Variants in USH2A observed in about 807,000 individuals in gnomAD.
The protein encoded by USH2A is Usher syndrome 2A (autosomal recessive, mild).
Under a neutral mutation model 538.9 loss-of-function variants are expected in USH2A, and 443 were observed. The observed-to-expected ratio is 0.82, with a 90% CI of 0.76 to 0.89. The LOEUF (loss-of-function observed/expected upper bound fraction) is 0.89. Among genes scored for constraint, USH2A ranks in the 40% least tolerant of loss-of-function variants. USH2A has a pLI of 0.00. For synonymous variants in USH2A, 2,413 were observed against 2,273.5 expected, an observed-to-expected ratio of 1.06 and a Z score of -1.75; for missense variants, 6,633 against 6,324.8, an observed-to-expected ratio of 1.05 and a Z score of -1.65.
chr1:215,931,934 T>C (rs1310086725), intron 38 of USH2A, among the ~76,000 whole-genome samples: 1 of 151,976 alleles, frequency 6.6e-6, no homozygotes, highest in Non-Finnish European at 1.5e-5. Context: ...TTTCTAGGTT[T>C]GAGGCTAAAA....
chr1:215,635,264 A>G (rs1432283149), intron 69 of USH2A, among the ~76,000 whole-genome samples: 1 of 152,170 alleles, frequency 6.6e-6, no homozygotes, highest in Non-Finnish European at 1.5e-5. Flanking sequence ...GTTTGCTACC[A>G]TGTTGTCTTT....
rs139326437 is a variant in USH2A at position 216,287,588 on chromosome 1, G to T, written c.1971+1692C>A. Reference sequence around the variant, plus strand: ...TACAAGCACAGAACCACCCAAGGTTGTCTAGCATCCCTATAAAACGGACTT... The same window carrying T: ...TACAAGCACAGAACCACCCAAGGTTTTCTAGCATCCCTATAAAACGGACTT... On this transcript the variant is annotated intron_variant, in intron 11 of 71. Coordinates refer to ENST00000307340, the MANE Select transcript of USH2A (RefSeq NM_206933.4). Among the ~76,000 whole-genome samples the T allele has an allele frequency of 4.4e-3, 670 of 152,110 alleles. 2 individuals are homozygous for T. The highest frequency in any genetic ancestry group is 8.2e-3 in the Non-Finnish European group (555 of 67,976).
At chr1:216,229,185 C>A (rs947076285) in intron 14 of USH2A, among the ~76,000 whole-genome samples, 9 of 151,226 alleles carry the variant, frequency 6.0e-5, no homozygotes, top group East Asian at 1.9e-4. Context: ...AAAAAAAAAA[C>A]CCCACACTTA....
Position 216,086,725 on chromosome 1 carries a change from C to G in USH2A, c.4981G>C (p.Asp1661His). Residue 1661 changes from aspartate (D) to histidine (H), a missense_variant, in exon 24 of 72, where the codon GAT (aspartate) becomes CAT (histidine). Physicochemically the swap from Asp to His is moderately conservative, Grantham distance 81 (BLOSUM62 -1). Coordinates refer to ENST00000307340, the MANE Select transcript of USH2A (RefSeq NM_206933.4). Reference protein sequence around the residue: ...LPRSYTILRKDPEIIQKGFVG... With the variant: ...LPRSYTILRKHPEIIQKGFVG... The stretch of plus-strand genomic sequence containing the variant: ...TATACCTTACTAAACTCACCAGGAT[C>G]CTTCCTGAGGATGGTATAACTTCGC... 6.2e-7 allele frequency: 1 copy of G among 1,611,738 alleles called. No homozygotes were observed.
intron 38 of USH2A, among the ~76,000 whole-genome samples, chr1:215,911,210 T>A (rs1665772236): frequency 6.6e-6 from 1 of 151,976 alleles, no homozygotes; most frequent in African/African-American, 2.4e-5. Flanking sequence ...ACAAACAATC[T>A]AATTACATTT....
intron 38 of USH2A, among the ~76,000 whole-genome samples, chr1:215,924,031 G>T: frequency 6.6e-6 from 1 of 151,610 alleles, no homozygotes; most frequent in East Asian, 1.9e-4. Context: ...CAGCCCATTC[G>T]TTTTATCTTC....
At chr1:215,807,592 T>C (rs1049222094) in intron 49 of USH2A, among the ~76,000 whole-genome samples, 22 of 152,134 alleles carry the variant, frequency 1.4e-4, no homozygotes, top group African/African-American at 5.3e-4. Flanking sequence ...ATGGAAAGTC[T>C]TTTTCTCTTC....
intron 3 of USH2A, among the ~76,000 whole-genome samples, chr1:216,369,556 T>G (rs1373170045): frequency 2.0e-5 from 3 of 152,140 alleles, no homozygotes; most frequent in African/African-American, 7.2e-5. Context: ...TCTCAAGTCC[T>G]CTCTTCTCCA....
At chr1:216,236,506 T>C (rs543499626) in intron 13 of USH2A, among the ~76,000 whole-genome samples, 181 of 152,302 alleles carry the variant, frequency 1.2e-3, no homozygotes, top group Non-Finnish European at 2.0e-3. Context: ...TAGATGTTTA[T>C]TGAAAAACAG....
At chr1:216,196,995 G>C (rs1045968204) in intron 18 of USH2A, among the ~76,000 whole-genome samples, 1 of 152,102 alleles carries the variant, frequency 6.6e-6, no homozygotes, top group Non-Finnish European at 1.5e-5. Flanking sequence ...CATAAAGATA[G>C]GAAAGTGGAT....
rs181978960 is a variant in USH2A at position 216,071,173 on chromosome 1, C to T, written c.5858-881G>A. Among the ~76,000 whole-genome samples, 383 of 152,254 alleles carry T rather than the reference C, an allele frequency of 2.5e-3. 2 individuals are homozygous for T. Among genetic ancestry groups the T allele is most frequent in the African/African-American group, 9.0e-3 (375 of 41,560 alleles). On this transcript the variant is annotated intron_variant, in intron 29 of 71. Transcript: ENST00000307340. ...CTCTAGCTGCTCATGGACTCCTGAG[C>T]CCTGTCGATGGAGGATCACTCTGGT... is the stretch of plus-strand genomic sequence containing the variant.
intron 35 of USH2A, among the ~76,000 whole-genome samples, chr1:215,983,731 G>T (rs1013553624): frequency 6.6e-6 from 1 of 152,136 alleles, no homozygotes; most frequent in African/African-American, 2.4e-5. Flanking sequence ...AACTCAAATG[G>T]CATGGAAAAG....
In USH2A at chr1:215,861,109, T is replaced by C. The variant is rs116419403; in HGVS notation, c.8845+5898A>G. ...CAATAATCCTTCAAGTCAGCCTCCT[T>C]AGTTTTCCGAGCAGCATATCTCCTG... On this transcript the variant is annotated intron_variant, in intron 44 of 71. Transcript: ENST00000307340. Among the ~76,000 whole-genome samples, 703 of 152,308 alleles carry C rather than the reference T, an allele frequency of 4.6e-3. 7 individuals carry two copies. Among genetic ancestry groups the C allele is most frequent in the African/African-American group, 0.015 (638 of 41,570 alleles).
intron 9 of USH2A, among the ~76,000 whole-genome samples, chr1:216,315,903 G>A (rs1392399706): frequency 1.3e-5 from 2 of 152,112 alleles, no homozygotes; most frequent in Non-Finnish European, 2.9e-5. Flanking sequence ...TTGTATGAAA[G>A]TTAATGAATA....
At chr1:216,061,334 T>C (rs1413024694) in intron 30 of USH2A, among the ~76,000 whole-genome samples, 2 of 152,252 alleles carry the variant, frequency 1.3e-5, no homozygotes, top group African/African-American at 4.8e-5. Flanking sequence ...TCCCAATAAC[T>C]ATTACACTTA....
chr1:216,137,627 G>C (rs949327073), intron 21 of USH2A, among the ~76,000 whole-genome samples: 1 of 152,130 alleles, frequency 6.6e-6, no homozygotes, highest in African/African-American at 2.4e-5. Flanking sequence ...AAAGATGCAG[G>C]CTGGGAGGCT....
intron 37 of USH2A, among the ~76,000 whole-genome samples, chr1:215,942,742 G>C (rs537352396): frequency 6.6e-6 from 1 of 152,130 alleles, no homozygotes; most frequent in African/African-American, 2.4e-5. Flanking sequence ...GTATAGCGCA[G>C]CTCCTAACTT....
intron 61 of USH2A, among the ~76,000 whole-genome samples, chr1:215,718,981 T>C (rs554841423): frequency 1.1e-3 from 169 of 152,332 alleles, no homozygotes; most frequent in Non-Finnish European, 1.2e-3. Context: ...TCCTTGTAAG[T>C]TGGTTAAAGG....
At chr1:216,404,191 G>A (rs1243911126) in intron 3 of USH2A, among the ~76,000 whole-genome samples, 1 of 151,852 alleles carries the variant, frequency 6.6e-6, no homozygotes. Flanking sequence ...TATATTAGAG[G>A]ACTCAATATA....
Sources: gnomAD v4.1 joint callset for allele counts (sites outside exome capture counted in the v4.1 genomes callset) on GRCh38, gnomAD v4.1.1 for gene constraint, MANE v1.5 for transcripts, NCBI Gene and HGNC (gene_info 2026-07-23, HGNC 2026-07-21) for gene names.